Variants in ZNF423 observed in about 807,000 individuals in gnomAD.
ZNF423 encodes the protein Ebf-associated zinc finger protein.
In ZNF423, 12 loss-of-function variants were observed where a neutral mutation model predicts 95.8. That is an observed-to-expected ratio of 0.13 (90% CI 0.08 to 0.20). The LOEUF (loss-of-function observed/expected upper bound fraction) is 0.20. ZNF423 is among the 10% of genes least tolerant of loss of function. The probability of loss-of-function intolerance (pLI) is 1.00; values close to 1 mark genes in which losing one functional copy is unlikely to be tolerated. For missense variants in ZNF423, 1,316 were observed against 1,737.1 expected (o/e 0.76, Z 4.31); for synonymous variants, 749 against 711.9 (o/e 1.05, Z -0.83).
Position 49,492,017 on chromosome 16 carries a change from G to A in ZNF423, c.3850-713C>T, listed in dbSNP as rs984388373. 6.6e-6 allele frequency among the ~76,000 whole-genome samples: 1 copy of A among 152,188 alleles called. No homozygotes were observed. The highest frequency in any genetic ancestry group is 2.4e-5 in the African/African-American group (1 of 41,450). ...ATGCACCTAGGAATCCAGGGCCCAG[G>A]TGGGACCCTGTGGCCAAATGTTTCC... is the stretch of plus-strand genomic sequence containing the variant. On this transcript the variant is annotated intron_variant, in intron 7 of 7. Transcript: ENST00000563137. The surrounding 1 kb of genome is among the most constrained non-coding windows in gnomAD (Gnocchi z 4.2).
intron 1 of ZNF423, among the ~76,000 whole-genome samples, chr16:49,816,516 A>G (rs2034858327): frequency 6.6e-6 from 1 of 152,212 alleles, no homozygotes; most frequent in South Asian, 2.1e-4. Context: ...GGCAGGATGC[A>G]GTGGTTCATG....
At chr16:49,712,938 A>G (rs1481508212) in intron 3 of ZNF423, among the ~76,000 whole-genome samples, 2 of 152,202 alleles carry the variant, frequency 1.3e-5, no homozygotes, top group African/African-American at 2.4e-5. Flanking sequence ...TCCATTGCCA[A>G]TTTCTCCAGG....
intron 3 of ZNF423, among the ~76,000 whole-genome samples, chr16:49,672,234 C>T (rs996178034): frequency 6.6e-6 from 1 of 151,934 alleles, no homozygotes; most frequent in African/African-American, 2.4e-5. Flanking sequence ...CTGCCAAATA[C>T]ATTACAGAAA....
chr16:49,651,486 G>A (rs778928635), intron 3 of ZNF423, among the ~76,000 whole-genome samples: 5 of 152,138 alleles, frequency 3.3e-5, no homozygotes, highest in Non-Finnish European at 7.3e-5. Flanking sequence ...GGGTGTCCCG[G>A]GCCTTGGAGA....
chr16:49,795,287 C>T (rs1053276848), intron 1 of ZNF423, among the ~76,000 whole-genome samples: 1 of 152,146 alleles, frequency 6.6e-6, no homozygotes, highest in African/African-American at 2.4e-5. Context: ...ACACACCTGT[C>T]CCCTCCACGC....
chr16:49,795,210 C>T (rs1196116900), intron 1 of ZNF423, among the ~76,000 whole-genome samples: 1 of 152,196 alleles, frequency 6.6e-6, no homozygotes, highest in Non-Finnish European at 1.5e-5. Context: ...TGTGTGGTGA[C>T]ATCCCAGAGG....
At chr16:49,745,909 T>C (rs1353984570) in intron 2 of ZNF423, among the ~76,000 whole-genome samples, 1 of 152,154 alleles carries the variant, frequency 6.6e-6, no homozygotes, top group Non-Finnish European at 1.5e-5. Context: ...TGGGACCCAG[T>C]GAACTATCCC....
At chr16:49,580,241 C>G (rs2151800445) in intron 5 of ZNF423, among the ~76,000 whole-genome samples, 1 of 152,256 alleles carries the variant, frequency 6.6e-6, no homozygotes, top group Non-Finnish European at 1.5e-5. Context: ...AGCCACTGTC[C>G]CGGTCACTCC....
At chr16:49,502,935 CACACACACAT>C (rs1370297181) in intron 7 of ZNF423, among the ~76,000 whole-genome samples, 5 of 107,082 alleles carry the variant, frequency 4.7e-5, no homozygotes, top group Admixed American at 2.8e-4. Flanking sequence ...CACACACACA[CACACACACAT>C]GGATGCCCCA....
intron 3 of ZNF423, among the ~76,000 whole-genome samples, chr16:49,667,972 C>T (rs904864550): frequency 6.6e-6 from 1 of 152,198 alleles, no homozygotes; most frequent in African/African-American, 2.4e-5. Context: ...GCAAAGAGGT[C>T]TGTGTGGCTG....
intron 5 of ZNF423, among the ~76,000 whole-genome samples, chr16:49,527,384 C>T (rs898054682): frequency 2.6e-5 from 4 of 152,198 alleles, no homozygotes; most frequent in Non-Finnish European, 4.4e-5. Flanking sequence ...GCAGGCCCCA[C>T]GCACGTCCTC....
chr16:49,555,040 C>T (rs373326450), intron 5 of ZNF423, among the ~76,000 whole-genome samples: 1 of 152,054 alleles, frequency 6.6e-6, no homozygotes, highest in African/African-American at 2.4e-5. Context: ...CAAGGAGTAT[C>T]ATTTTCTTCT....
At position 49,637,125 on chromosome 16, in the gene ZNF423, G is replaced by T; in HGVS notation, c.2051C>A (p.Ser684Tyr). ...ATGCACTGTCAGGTGCTGCAGGAGG[G>T]ACTCCTGGGAGTCAAAGTCCTCTTT... ...QCKEDFDSQE[S>Y]LLQHLTVHYM... Residue 684 changes from serine (S) to tyrosine (Y), a missense_variant, in exon 4 of 8, where the codon TCC (serine) becomes TAC (tyrosine). Physicochemically the swap from Ser to Tyr is moderately radical, Grantham distance 144. Around this residue, in one of 6 missense-constraint regions of ZNF423, gnomAD observed 620 missense variants for 775.6 expected, o/e 0.80. Coordinates refer to ENST00000563137, the MANE Select transcript of ZNF423 (RefSeq NM_001379286.1). The surrounding 1 kb of genome is among the most constrained non-coding windows in gnomAD (Gnocchi z 5.6). The T allele has an allele frequency of 6.2e-7, 1 of 1,613,548 alleles. No individual in the cohort carries two copies. Among genetic ancestry groups the T allele is most frequent in the South Asian group, 1.1e-5 (1 of 91,082 alleles).
intron 3 of ZNF423, among the ~76,000 whole-genome samples, chr16:49,657,596 G>T (rs1343162074): frequency 2.0e-5 from 3 of 152,202 alleles, no homozygotes; most frequent in Non-Finnish European, 4.4e-5. Flanking sequence ...TGGAGCCAGT[G>T]GGCTCCTCTG....
intron 3 of ZNF423, among the ~76,000 whole-genome samples, chr16:49,656,340 G>A (rs1204091306): frequency 2.0e-5 from 3 of 151,932 alleles, no homozygotes; most frequent in African/African-American, 4.8e-5. Flanking sequence ...GTGAAACCCC[G>A]TCTCTACTAA....
intron 3 of ZNF423, among the ~76,000 whole-genome samples, chr16:49,672,136 T>C (rs2030841941): frequency 1.3e-5 from 2 of 152,204 alleles, no homozygotes; most frequent in African/African-American, 2.4e-5. Flanking sequence ...GGCACACTGA[T>C]ACTTCTGCAG....
At chr16:49,803,501 T>G (rs934072760) in intron 1 of ZNF423, among the ~76,000 whole-genome samples, 3 of 152,230 alleles carry the variant, frequency 2.0e-5, no homozygotes, top group Admixed American at 1.3e-4. Context: ...TTTAGGCTTT[T>G]GGGATACACT....
chr16:49,626,711 C>T (rs191710577), intron 4 of ZNF423, among the ~76,000 whole-genome samples: 6 of 151,740 alleles, frequency 4.0e-5, no homozygotes, highest in African/African-American at 1.5e-4. Flanking sequence ...CATCCTCCAT[C>T]TACCCATCCA....
At chr16:49,802,760 C>G (rs1043034220) in intron 1 of ZNF423, among the ~76,000 whole-genome samples, 2 of 152,186 alleles carry the variant, frequency 1.3e-5, no homozygotes, top group African/African-American at 4.8e-5. Context: ...ACAAACGTCT[C>G]TTTCTTTCTG....
Sources: gnomAD v4.1 joint callset for allele counts (sites outside exome capture counted in the v4.1 genomes callset) on GRCh38, gnomAD v4.1.1 for gene constraint, gnomAD v4.1.1 regional missense constraint, Gnocchi (gnomAD v3.1) non-coding constraint, MANE v1.5 for transcripts, NCBI Gene and HGNC (gene_info 2026-07-23, HGNC 2026-07-21) for gene names.